The following OR5M1 variants were observed in gnomAD, a reference collection of about 807,000 sequenced individuals.
OR5M1 encodes the protein olfactory receptor family 5 subfamily M member 1, also known as olfactory receptor 5M1.
For synonymous variants in OR5M1, 165 were observed against 144.2 expected (o/e 1.14, Z -1.04); for missense variants, 367 against 379.5 (o/e 0.97, Z 0.27).
chr11:56,610,348 T>A lies in OR5M1; in HGVS notation c.*2207A>T, dbSNP rs915044663. On this transcript the variant is annotated 3_prime_UTR_variant, in exon 2 of 2. Coordinates refer to ENST00000641076, the MANE Select transcript of OR5M1 (RefSeq NM_001004740.2). ...AAGGGAAATTCTCATTAGCTATTCT[T>A]AGGATACATATAACTATCACATAAT... The A allele has an allele frequency of 2.0e-5, 3 of 152,098 alleles. No individual in the cohort carries two copies. Among genetic ancestry groups the A allele is most frequent in the African/African-American group, 7.2e-5 (3 of 41,458 alleles). 9.4% of individuals were successfully genotyped at this position (152,098 alleles called of 1,614,324 possible).
intron 1 of OR5M1, among the ~76,000 whole-genome samples, chr11:56,613,844 A>C (rs575476488): frequency 1.3e-5 from 2 of 152,276 alleles, no homozygotes; most frequent in African/African-American, 4.8e-5. Flanking sequence ...ATTTTATTCA[A>C]ACTTCGTGAG....
rs1260090943 is a variant in OR5M1 at position 56,611,050 on chromosome 11, A to G, written c.*1505T>C. 2 of 152,108 alleles carry G rather than the reference A, an allele frequency of 1.3e-5. No individual in the cohort carries two copies. Among genetic ancestry groups the G allele is most frequent in the Admixed American group, 6.6e-5 (1 of 15,234 alleles). The allele number at this position is 152,108 out of a possible 1,614,324, so 9.4% of individuals were successfully genotyped here. A position where few individuals can be genotyped will look rare whatever the true frequency, so the allele number is the denominator to read the frequency against. On this transcript the variant is annotated 3_prime_UTR_variant, in exon 2 of 2. Coordinates refer to ENST00000641076, the MANE Select transcript of OR5M1 (RefSeq NM_001004740.2). ...AATGGAATACAATGCTTTGCCTAATAGATGGAAATTTCTCATAAAATAAAG... is the reference window on the plus strand; with the variant it reads ...AATGGAATACAATGCTTTGCCTAATGGATGGAAATTTCTCATAAAATAAAG...
Position 56,612,324 on chromosome 11 carries a change from C to A in OR5M1, c.*231G>T. On this transcript the variant is annotated 3_prime_UTR_variant, in exon 2 of 2. Transcript: ENST00000641076. ...TATTTTCATATAGAATTATTAGATACTAAAAAATTTATTTTCATAGAATTT... is the reference window on the plus strand; with the variant it reads ...TATTTTCATATAGAATTATTAGATAATAAAAAATTTATTTTCATAGAATTT... 1 of 308,728 alleles carries A rather than the reference C, an allele frequency of 3.2e-6. No individual in the cohort carries two copies. The highest frequency in any genetic ancestry group is 8.6e-5 in the South Asian group (1 of 11,610). 19.1% of individuals were successfully genotyped at this position (308,728 alleles called of 1,614,324 possible).
rs993664720 is a variant in OR5M1 at position 56,611,159 on chromosome 11, ATTG to A, written c.*1393_*1395del. The A allele has an allele frequency of 6.6e-6, 1 of 152,110 alleles. No homozygotes were observed. Among genetic ancestry groups the A allele is most frequent in the African/African-American group, 2.4e-5 (1 of 41,440 alleles). The allele number at this position is 152,110 out of a possible 1,614,324, so 9.4% of individuals were successfully genotyped here. A position where few individuals can be genotyped will look rare whatever the true frequency, so the allele number is the denominator to read the frequency against. On this transcript the variant is annotated 3_prime_UTR_variant, in exon 2 of 2. Coordinates refer to ENST00000641076, the MANE Select transcript of OR5M1 (RefSeq NM_001004740.2). ...ACTCAATTCCCAGCTTTTCTGCTTC[ATTG>A]TTGTCTCTGCAGATGACCTTCCTCT...
chr11:56,614,776 TACACACACACACACACAC>T (rs59777082), intron 1 of OR5M1, 63 bp downstream of exon 1: 1 of 143,564 alleles, frequency 7.0e-6, no homozygotes, highest in Non-Finnish European at 1.5e-5. Context: ...TACTTATCTC[TACACACACACACACACAC>T]ACACACACAC....
In OR5M1 at chr11:56,612,423, A is replaced by C. The variant is rs978993462; in HGVS notation, c.*132T>G. The C allele has an allele frequency of 1.9e-6, 1 of 540,338 alleles. No homozygotes were observed. The highest frequency in any genetic ancestry group is 3.2e-6 in the Non-Finnish European group (1 of 311,984). 33.5% of individuals were successfully genotyped at this position (540,338 alleles called of 1,614,324 possible). A position where few individuals can be genotyped will look rare whatever the true frequency, so the allele number is the denominator to read the frequency against. ...TAAGAAATCAATCTTCAAGGTTTTC[A>C]TTTGGATAAGAAAGTAAAGTGGTTA... On this transcript the variant is annotated 3_prime_UTR_variant, in exon 2 of 2. Coordinates refer to ENST00000641076, the MANE Select transcript of OR5M1 (RefSeq NM_001004740.2).
rs757252058 is a variant in OR5M1, at chr11:56,612,966, G to A, written c.537C>T (p.Cys179=). 1.1e-4 allele frequency: 179 copies of A among 1,613,744 alleles called. No individual in the cohort carries two copies. In the East Asian group the frequency reaches 1.2e-3, roughly 11 times the overall value. Residue 179 remains cysteine, a synonymous_variant, in exon 2 of 2, where the codon TGC becomes TGT. Coordinates refer to ENST00000641076, the MANE Select transcript of OR5M1 (RefSeq NM_001004740.2). ...CGSLEINHFY[C]ADPPLIMLAC... ...CCAGCATGATAAGAGGAGGATCAGC[G>A]CAGTAGAAATGATTGATTTCAAGGG...
Position 56,612,678 on chromosome 11 carries a change from T to C in OR5M1, c.825A>G (p.Ala275=), listed in dbSNP as rs780253711. ...EKSVEESKIT[A]VFYTFLSPML... ...TTGGGCTCAAAAAAGTATAAAAGAC[T>C]GCAGTTATTTTGGACTCCTCTACAG... is the stretch of plus-strand genomic sequence containing the variant. The change falls in exon 2 of 2, where the codon GCA becomes GCG. Residue 275 remains alanine (A), a synonymous_variant. Transcript: ENST00000641076. 1 of 1,613,844 alleles carries C rather than the reference T, an allele frequency of 6.2e-7. No individual in the cohort carries two copies. The highest frequency in any genetic ancestry group is 8.5e-7 in the Non-Finnish European group (1 of 1,179,770).
In OR5M1 at chr11:56,612,691, G is replaced by A. The variant is rs1853694086; in HGVS notation, c.812C>T (p.Ser271Phe). The change falls in exon 2 of 2, where the codon TCC (serine) becomes TTC (phenylalanine). Residue 271 changes from serine (S) to phenylalanine (F), a missense_variant. By Grantham distance (155) the Ser-to-Phe change is radical (BLOSUM62 -2). Coordinates refer to ENST00000641076, the MANE Select transcript of OR5M1 (RefSeq NM_001004740.2). ...AGTATAAAAGACTGCAGTTATTTTG[G>A]ACTCCTCTACAGACTTCTCTGATGG... The part of the protein sequence containing the change: ...RPPSEKSVEE[S>F]KITAVFYTFL... 6.2e-7 allele frequency: 1 copy of A among 1,613,692 alleles called. No homozygotes were observed. Among genetic ancestry groups the A allele is most frequent in the African/African-American group, 1.3e-5 (1 of 74,902 alleles).
In OR5M1 at chr11:56,613,529, A is replaced by G; in HGVS notation, c.-17-10T>C. The G allele has an allele frequency of 2.5e-6, 4 of 1,586,752 alleles. No homozygotes were observed. The highest frequency in any genetic ancestry group is 3.5e-6 in the Non-Finnish European group (4 of 1,158,228). ...TTCTTATCTCTTGAAACTGAAAGTG[A>G]CAAAGAATGTGAGGATTTCTCTCTG... On this transcript the variant is annotated splice_polypyrimidine_tract_variant and intron_variant, in intron 1 of 1. Transcript: ENST00000641076.
Position 56,609,718 on chromosome 11 carries a change from T to A in OR5M1, c.*2837A>T, listed in dbSNP as rs1380071097. 1.3e-5 allele frequency: 2 copies of A among 151,998 alleles called. No homozygotes were observed. Among genetic ancestry groups the A allele is most frequent in the African/African-American group, 2.4e-5 (1 of 41,464 alleles). 9.4% of individuals were successfully genotyped at this position (151,998 alleles called of 1,614,324 possible). A position where few individuals can be genotyped will look rare whatever the true frequency, so the allele number is the denominator to read the frequency against. On this transcript the variant is annotated 3_prime_UTR_variant, in exon 2 of 2. Coordinates refer to ENST00000641076, the MANE Select transcript of OR5M1 (RefSeq NM_001004740.2). ...ATAAAAACACTAAGATACATTGATA[T>A]GATGGAATCATGGTTTGCAAGATAA...
Position 56,610,121 on chromosome 11 carries a change from A to G in OR5M1, c.*2434T>C, listed in dbSNP as rs1853656733. The G allele has an allele frequency of 6.6e-6, 1 of 152,038 alleles. No homozygotes were observed. The highest frequency in any genetic ancestry group is 1.5e-5 in the Non-Finnish European group (1 of 67,912). The allele number at this position is 152,038 out of a possible 1,614,324, so 9.4% of individuals were successfully genotyped here. A position where few individuals can be genotyped will look rare whatever the true frequency, so the allele number is the denominator to read the frequency against. On this transcript the variant is annotated 3_prime_UTR_variant, in exon 2 of 2. Coordinates refer to ENST00000641076, the MANE Select transcript of OR5M1 (RefSeq NM_001004740.2). ...TCCTTTGTCACAGGACAGATCCCTC[A>G]TAAATTTTACTCCCTCATATTTGTC...
rs1252977375 is a variant in OR5M1 at position 56,611,016 on chromosome 11, CTTGCCAGAAATGGAATACAATGCT to C, written c.*1515_*1538del. The C allele has an allele frequency of 2.6e-5, 4 of 151,964 alleles. No homozygotes were observed. The highest frequency in any genetic ancestry group is 5.9e-5 in the Non-Finnish European group (4 of 67,980). The allele number at this position is 151,964 out of a possible 1,614,324, so 9.4% of individuals were successfully genotyped here. ...CAAATCTGGATATGAGACCATTCTG[CTTGCCAGAAATGGAATACAATGCT>C]TTGCCTAATAGATGGAAATTTCTCA... is the stretch of plus-strand genomic sequence containing the variant. On this transcript the variant is annotated 3_prime_UTR_variant, in exon 2 of 2. Transcript: ENST00000641076.
At position 56,613,356 on chromosome 11, in the gene OR5M1, G is replaced by A. The variant is rs1470443883; in HGVS notation, c.147C>T (p.Ile49=). ...LAGNLCMILL[I]RTNSHLQTPM... ...GTGTTTGCAGGTGGGAATTGGTCCTGATCAGCAGGATCATGCACAGGTTGC... is the reference window on the plus strand; with the variant it reads ...GTGTTTGCAGGTGGGAATTGGTCCTAATCAGCAGGATCATGCACAGGTTGC... The change falls in exon 2 of 2, where the codon ATC becomes ATT. Residue 49 remains isoleucine (I), a synonymous_variant. Transcript: ENST00000641076. The A allele has an allele frequency of 2.5e-6, 4 of 1,613,584 alleles. No homozygotes were observed. The African/African-American group carries it at 5.3e-5, about 22-fold the overall frequency.
Position 56,613,255 on chromosome 11 carries a change from T to G in OR5M1, c.248A>C (p.His83Pro). 1 of 1,613,700 alleles carries G rather than the reference T, an allele frequency of 6.2e-7. No homozygotes were observed. Among genetic ancestry groups the G allele is most frequent in the Non-Finnish European group, 8.5e-7 (1 of 1,179,684 alleles). Reference sequence around the variant, plus strand: ...GGTCTTCTGTTCTGAGAGGAAATTGTGCAGCATATTTGGAGTAACATTGGA... The same window carrying G: ...GGTCTTCTGTTCTGAGAGGAAATTGGGCAGCATATTTGGAGTAACATTGGA... Reference protein sequence around the residue: ...YSSNVTPNMLHNFLSEQKTIS... With the variant: ...YSSNVTPNMLPNFLSEQKTIS... Residue 83 changes from histidine (H) to proline (P), a missense_variant, in exon 2 of 2, where the codon CAC becomes CCC. Transcript: ENST00000641076.
At position 56,612,877 on chromosome 11, in the gene OR5M1, C is replaced by T; in HGVS notation, c.626G>A (p.Ser209Asn). The part of the protein sequence containing the change: ...MFVVAGFNLS[S>N]SLFIILLSYL... ...GGACAGAAGAATGATGAAGAGAGAGCTTGAGAGATTAAAGCCTGCAACTAC... is the reference window on the plus strand; with the variant it reads ...GGACAGAAGAATGATGAAGAGAGAGTTTGAGAGATTAAAGCCTGCAACTAC... The change falls in exon 2 of 2, where the codon AGC becomes AAC. Residue 209 changes from serine to asparagine, a missense_variant. Transcript: ENST00000641076. 1.2e-6 allele frequency: 2 copies of T among 1,613,698 alleles called. No homozygotes were observed. Among genetic ancestry groups the T allele is most frequent in the Non-Finnish European group, 1.7e-6 (2 of 1,179,726 alleles).
Position 56,612,832 on chromosome 11 carries a change from G to A in OR5M1, c.671C>T (p.Ala224Val), listed in dbSNP as rs181466701. 3.7e-5 allele frequency: 60 copies of A among 1,613,698 alleles called. 1 individual carries two copies. The Admixed American group carries it at 7.0e-4, about 19-fold the overall frequency. Residue 224 changes from alanine to valine, a missense_variant, in exon 2 of 2, where the codon GCG becomes GTG. Ala to Val is a moderately conservative substitution (Grantham distance 64). Coordinates refer to ENST00000641076, the MANE Select transcript of OR5M1 (RefSeq NM_001004740.2). The part of the protein sequence containing the change: ...ILLSYLFIFA[A>V]IFRIRSAEGR... ...TTCAGCAGAACGGATCCTGAAGATCGCTGCAAAAATGAAAAGATAGGACAG... is the reference window on the plus strand; with the variant it reads ...TTCAGCAGAACGGATCCTGAAGATCACTGCAAAAATGAAAAGATAGGACAG...
chr11:56,613,077 G>C lies in OR5M1; in HGVS notation c.426C>G (p.Val142=). The C allele has an allele frequency of 1.3e-6, 2 of 1,589,002 alleles. No individual in the cohort carries two copies. The highest frequency in any genetic ancestry group is 1.7e-6 in the Non-Finnish European group (2 of 1,158,966). ...ACATGTAAGGGATAGTGACCAGACA[G>C]ACACAGATGTTCTTGGACATCCTGG... The part of the protein sequence containing the change: ...YSSRMSKNIC[V]CLVTIPYMYG... Residue 142 remains valine, a synonymous_variant, in exon 2 of 2, where the codon GTC becomes GTG. Transcript: ENST00000641076.
rs148635446 is a variant in OR5M1 at position 56,614,649 on chromosome 11, T to C, written c.-18+208A>G. Reference sequence around the variant, plus strand: ...AAAGCCATTGTTTATTTAGTTCTCATGTATACATCAAAAGAGCTTACATAT... The same window carrying C: ...AAAGCCATTGTTTATTTAGTTCTCACGTATACATCAAAAGAGCTTACATAT... On this transcript the variant is annotated intron_variant, in intron 1 of 1. Coordinates refer to ENST00000641076, the MANE Select transcript of OR5M1 (RefSeq NM_001004740.2). 4.4e-3 allele frequency among the ~76,000 whole-genome samples: 673 copies of C among 152,268 alleles called. 8 individuals are homozygous for C. Among genetic ancestry groups the C allele is most frequent in the African/African-American group, 0.015 (637 of 41,566 alleles).
Sources: gnomAD v4.1 joint callset for allele counts (sites outside exome capture counted in the v4.1 genomes callset) on GRCh38, gnomAD v4.1.1 for gene constraint, MANE v1.5 for transcripts, NCBI Gene and HGNC (gene_info 2026-07-23, HGNC 2026-07-21) for gene names.